GRIP1: variants seen among roughly 807,000 people sequenced by gnomAD.
GRIP1 encodes glutamate receptor interacting protein 1.
Under a neutral mutation model 129.9 loss-of-function variants are expected in GRIP1, and 45 were observed. That is an observed-to-expected ratio of 0.35 (90% CI 0.27 to 0.44). GRIP1 has a LOEUF of 0.44. Among genes scored for constraint, GRIP1 ranks in the 20% least tolerant of loss-of-function variants. The pLI is 1.00. For synonymous variants in GRIP1, 530 were observed against 520.8 expected (o/e 1.02, Z -0.24); for missense variants, 1,196 against 1,396.8 (o/e 0.86, Z 2.29).
intron 13 of GRIP1, among the ~76,000 whole-genome samples, chr12:66,439,085 C>A (rs74547192): frequency 0.024 from 3,677 of 152,250 alleles, 154 homozygotes; most frequent in African/African-American, 0.083. Flanking sequence ...GCCAAACCAC[C>A]CAAACATGAC....
intron 2 of GRIP1, among the ~76,000 whole-genome samples, chr12:66,580,615 C>G (rs1260808286): frequency 4.1e-5 from 6 of 147,402 alleles, no homozygotes; most frequent in Admixed American, 1.4e-4. Context: ...ATCCTAGTCT[C>G]TGATAAAACA....
intron 14 of GRIP1, among the ~76,000 whole-genome samples, chr12:66,421,541 T>C (rs1284998759): frequency 6.6e-6 from 1 of 152,134 alleles, no homozygotes; most frequent in African/African-American, 2.4e-5. Flanking sequence ...CAAAACTCCG[T>C]CTTGATCAAT....
In GRIP1 at chr12:66,541,928, G is replaced by A. The variant is rs368888815; in HGVS notation, c.159C>T (p.Val53=). 3.8e-5 allele frequency: 62 copies of A among 1,613,592 alleles called. No homozygotes were observed. Among genetic ancestry groups the A allele is most frequent in the Non-Finnish European group, 4.7e-5 (56 of 1,179,672 alleles). ...TGCCTTCCTTCTTCATCAGCTCGAC[G>A]ACTGTGGAGCCCTTGAATTCCTCTG... ...SIPEEFKGST[V]VELMKKEGTT... is the part of the protein sequence containing the mutation. Residue 53 remains valine, a synonymous_variant, in exon 3 of 25, where the codon GTC becomes GTT. Transcript: ENST00000359742.
intron 1 of GRIP1, among the ~76,000 whole-genome samples, chr12:66,698,255 A>G (rs1385273325): frequency 1.3e-5 from 2 of 152,250 alleles, no homozygotes; most frequent in African/African-American, 2.4e-5. Flanking sequence ...AAATGTAACC[A>G]GGAGTGAACA....
At chr12:66,528,773 G>A (rs1253437922) in intron 5 of GRIP1, among the ~76,000 whole-genome samples, 2 of 152,194 alleles carry the variant, frequency 1.3e-5, no homozygotes, top group East Asian at 3.9e-4. Flanking sequence ...CTGTATTAAT[G>A]AACCAAAAAT....
At chr12:66,683,372 C>A (rs79390294), upstream of GRIP1, among the ~76,000 whole-genome samples, 1 of 152,020 alleles carries the variant, frequency 6.6e-6, no homozygotes, top group Non-Finnish European at 1.5e-5. Context: ...CTGAACAGAA[C>A]TCGCCAGTAA....
intron 2 of GRIP1, among the ~76,000 whole-genome samples, chr12:66,546,848 A>G (rs908491844): frequency 2.2e-5 from 3 of 138,824 alleles, no homozygotes; most frequent in African/African-American, 8.3e-5. Flanking sequence ...ATCTAGGTTT[A>G]GCGAAGGGTT....
chr12:66,442,523 T>G (rs1206320800), intron 13 of GRIP1, among the ~76,000 whole-genome samples: 1 of 152,184 alleles, frequency 6.6e-6, no homozygotes, highest in African/African-American at 2.4e-5. Flanking sequence ...AATTTATATT[T>G]GTTAATTTTA....
intron 1 of GRIP1, among the ~76,000 whole-genome samples, chr12:66,886,203 T>C (rs989248540): frequency 6.6e-6 from 1 of 151,920 alleles, no homozygotes; most frequent in African/African-American, 2.4e-5. Context: ...GAGTTGGAGG[T>C]TGCAGTGAGC....
At chr12:66,809,733 C>T (rs1324868581) in intron 1 of GRIP1, among the ~76,000 whole-genome samples, 1 of 150,950 alleles carries the variant, frequency 6.6e-6, no homozygotes, top group Non-Finnish European at 1.5e-5. Context: ...AATCACAGCT[C>T]ACTACAGCCT....
chr12:66,664,657 A>G (rs2033696247), intron 1 of GRIP1, among the ~76,000 whole-genome samples: 1 of 152,184 alleles, frequency 6.6e-6, no homozygotes, highest in Admixed American at 6.5e-5. Flanking sequence ...CTTATCATTA[A>G]GCTGGGTTAA....
intron 1 of GRIP1, among the ~76,000 whole-genome samples, chr12:66,978,275 A>AT (rs984188197): frequency 6.6e-6 from 1 of 152,048 alleles, no homozygotes; most frequent in Non-Finnish European, 1.5e-5. Flanking sequence ...GAAGCAAGGA[A>AT]TTTTTTTTAT....
At chr12:66,665,763 A>AGTGGGAC in intron 1 of GRIP1, among the ~76,000 whole-genome samples, 1 of 152,212 alleles carries the variant, frequency 6.6e-6, no homozygotes, top group Non-Finnish European at 1.5e-5. Flanking sequence ...GTCACGTAGC[A>AGTGGGAC]TGCATTTTTT....
chr12:66,583,951 A>G (rs1336893164), intron 2 of GRIP1, among the ~76,000 whole-genome samples: 1 of 138,984 alleles, frequency 7.2e-6, no homozygotes, highest in East Asian at 2.1e-4. Flanking sequence ...ATAAAGACAC[A>G]TGCACACGTA....
intron 2 of GRIP1, among the ~76,000 whole-genome samples, chr12:66,542,940 C>T (rs2061831622): frequency 6.6e-6 from 1 of 152,164 alleles, no homozygotes; most frequent in South Asian, 2.1e-4. Context: ...AACAAACTCG[C>T]TCTTTCAAAG....
rs1346711114 is a variant in GRIP1 at position 66,443,117 on chromosome 12, A to G, written c.1687+1467T>C. On this transcript the variant is annotated intron_variant, in intron 13 of 24. Coordinates refer to ENST00000359742, the MANE Select transcript of GRIP1 (RefSeq NM_001366722.1). ...TTTTCTTAAATGGGAACTAGCACCA[A>G]TCTCTAAAATCCACACACCTGTTAG... 2.0e-5 allele frequency among the ~76,000 whole-genome samples: 3 copies of G among 152,206 alleles called. No homozygotes were observed. The South Asian group carries it at 6.2e-4, about 31-fold the overall frequency.
intron 1 of GRIP1, among the ~76,000 whole-genome samples, chr12:66,847,500 T>C (rs12819524): frequency 6.6e-6 from 1 of 152,242 alleles, no homozygotes; most frequent in African/African-American, 2.4e-5. Context: ...TAATTTTATT[T>C]GGCAAATTGA....
chr12:66,393,134 T>TA (rs1417977339), intron 17 of GRIP1, among the ~76,000 whole-genome samples: 1 of 151,014 alleles, frequency 6.6e-6, no homozygotes, highest in African/African-American at 2.4e-5. Context: ...ATGACAAATG[T>TA]AGTGGATAGC....
At chr12:66,701,767 C>G (rs916338063) in intron 1 of GRIP1, among the ~76,000 whole-genome samples, 1 of 152,164 alleles carries the variant, frequency 6.6e-6, no homozygotes, top group Non-Finnish European at 1.5e-5. Flanking sequence ...CAATAAATAC[C>G]TGCTGATCAA....
Sources: allele counts gnomAD v4.1 joint callset (sites outside exome capture counted in the v4.1 genomes callset), GRCh38; gene constraint gnomAD v4.1.1; transcripts MANE v1.5; gene names NCBI Gene and HGNC (gene_info 2026-07-23, HGNC 2026-07-21).